The following POLD1 variants were observed in gnomAD, a reference collection of about 807,000 sequenced individuals.
The protein encoded by POLD1 is DNA polymerase delta catalytic subunit.
Under a neutral mutation model 129.7 loss-of-function variants are expected in POLD1, and 79 were observed. The ratio of observed to expected loss-of-function variants is 0.61; its 90% CI spans 0.51 to 0.73. The LOEUF (loss-of-function observed/expected upper bound fraction) is 0.73, where lower values mean the gene tolerates loss of function less well. Ranked by LOEUF, POLD1 falls within the 30% of genes least tolerant of loss-of-function variation. The probability of loss-of-function intolerance (pLI) is 0.00; values close to 1 mark genes in which losing one functional copy is unlikely to be tolerated. For synonymous variants in POLD1, 714 were observed against 683.3 expected, an observed-to-expected ratio of 1.04 and a Z score of -0.70; for missense variants, 1,338 against 1,595.8, an observed-to-expected ratio of 0.84 and a Z score of 2.75.
intron 1 of POLD1, chr19:50,395,014 T>A (rs1422650044): frequency 6.7e-6 from 1 of 148,462 alleles, no homozygotes; most frequent in Non-Finnish European, 1.5e-5. Flanking sequence ...TTTTTTTTTT[T>A]TTTTTTTTAG....
At position 50,404,113 on chromosome 19, in the gene POLD1, A is replaced by G. The variant is rs370657617; in HGVS notation, c.1242+516A>G. Among the ~76,000 whole-genome samples, 90 of 152,268 alleles carry G rather than the reference A, an allele frequency of 5.9e-4. 2 individuals are homozygous for G. The South Asian group carries it at 0.018, about 31-fold the overall frequency. ...CACCGTCCTGAAGGCTGGAAAGTCC[A>G]TGACCAAAGTGTCAGCGGGCCTGCT... On this transcript the variant is annotated intron_variant, in intron 10 of 26. Coordinates refer to ENST00000440232, the MANE Select transcript of POLD1 (RefSeq NM_002691.4).
At chr19:50,385,459 TGGGCA>T (rs1198948232) in intron 1 of POLD1, among the ~76,000 whole-genome samples, 2 of 150,184 alleles carry the variant, frequency 1.3e-5, no homozygotes, top group Non-Finnish European at 3.0e-5. Flanking sequence ...GAGCCAGGAG[TGGGCA>T]GGGCGATGTC....
Position 50,407,725 on chromosome 19 carries a change from A to ATTTTT in POLD1, c.1775+329_1775+333dup, listed in dbSNP as rs571759517. Among the ~76,000 whole-genome samples, 212 of 95,294 alleles carry ATTTTT rather than the reference A, an allele frequency of 2.2e-3. 1 individual carries two copies. Among genetic ancestry groups the ATTTTT allele is most frequent in the African/African-American group, 8.7e-3 (186 of 21,398 alleles). 62.5% of individuals were successfully genotyped at this position (95,294 alleles called of 152,430 possible). Reference sequence around the variant, plus strand: ...AGGCGCCCACCACCACGCCTGGCTAATTTTTTTTTTTTTTTTTTTTTTTGC... The same window carrying ATTTTT: ...AGGCGCCCACCACCACGCCTGGCTAATTTTTTTTTTTTTTTTTTTTTTTTTTTTGC... On this transcript the variant is annotated intron_variant, in intron 14 of 26. Transcript: ENST00000440232.
Position 50,417,671 on chromosome 19 carries a change from T to TCCCCCCC in POLD1, c.3219-167_3219-161dup, listed in dbSNP as rs3840923. Among the ~76,000 whole-genome samples, 1,320 of 110,462 alleles carry TCCCCCCC rather than the reference T, an allele frequency of 0.012. No individual in the cohort carries two copies. Among genetic ancestry groups the TCCCCCCC allele is most frequent in the Non-Finnish European group, 0.016 (890 of 56,968 alleles). The allele number at this position is 110,462 out of a possible 152,430, so 72.5% of individuals were successfully genotyped here. ...TCGCCAGGCACCCGCTGTTATCGGC[T>TCCCCCCC]CCCCCCCCCCACCCCCCCCGTGCCT... On this transcript the variant is annotated intron_variant, in intron 26 of 26. Coordinates refer to ENST00000440232, the MANE Select transcript of POLD1 (RefSeq NM_002691.4).
intron 3 of POLD1, among the ~76,000 whole-genome samples, chr19:50,401,292 T>C (rs1387056583): frequency 6.9e-6 from 1 of 145,610 alleles, no homozygotes; most frequent in Non-Finnish European, 1.5e-5. Context: ...TAACATATAT[T>C]ATATATTAAT....
Position 50,403,303 on chromosome 19 carries a change from G to A in POLD1, c.1137+84G>A, listed in dbSNP as rs56026201. ...TGAGCCATCAGCTCCTGGGTGCTGC[G>A]ACGCCCATGTCTGTGGGTCTGGGTG... On this transcript the variant is annotated intron_variant, in intron 9 of 26. Transcript: ENST00000440232. 2,032 of 1,371,302 alleles carry A rather than the reference G, an allele frequency of 1.5e-3. 35 individuals are homozygous for A. In the African/African-American group the frequency reaches 0.024, roughly 16 times the overall value. The allele number at this position is 1,371,302 out of a possible 1,614,324, so 84.9% of individuals were successfully genotyped here. A position where few individuals can be genotyped will look rare whatever the true frequency, so the allele number is the denominator to read the frequency against.
chr19:50,412,457 G>A (rs943332059), intron 17 of POLD1, among the ~76,000 whole-genome samples: 13 of 148,294 alleles, frequency 8.8e-5, no homozygotes, highest in Non-Finnish European at 1.8e-4. Context: ...TTGGCCTCCT[G>A]TCTCTTAAAA....
chr19:50,387,516 G>A (rs1601160200), intron 1 of POLD1: 1 of 152,302 alleles, frequency 6.6e-6, no homozygotes, highest in Non-Finnish European at 1.5e-5. Flanking sequence ...GGACACACAG[G>A]GGCCTTTCCT....
chr19:50,400,133 A>ATTTTTTTTTTTTTTT (rs71182715), intron 3 of POLD1, among the ~76,000 whole-genome samples: 15 of 48,152 alleles, frequency 3.1e-4, no homozygotes, highest in Non-Finnish European at 6.0e-4. Flanking sequence ...TTTTTAAAAG[A>ATTTTTTTTTTTTTTT]TTTTTTTTTT....
chr19:50,402,579 C>T (rs1374061169), intron 7 of POLD1, 33 bp from the exon 8 acceptor site: 2 of 1,572,018 alleles, frequency 1.3e-6, no homozygotes, highest in Admixed American at 1.9e-5. Context: ...AGCTGGTACC[C>T]TGCTGCCACC....
rs2122504700 is a variant in POLD1, at chr19:50,417,114, G to T, written c.3120+17G>T. On this transcript the variant is annotated intron_variant, in intron 25 of 26. Transcript: ENST00000440232. ...CAGAAGGAGGTGAGAGGGCCGGGAG[G>T]TGAGGAGGGGCCAGGTGGGGAGGCG... 6.4e-7 allele frequency: 1 copy of T among 1,566,602 alleles called. No individual in the cohort carries two copies. The highest frequency in any genetic ancestry group is 8.7e-7 in the Non-Finnish European group (1 of 1,155,072).
intron 3 of POLD1, among the ~76,000 whole-genome samples, chr19:50,401,194 C>T (rs2038586393): frequency 6.7e-6 from 1 of 149,820 alleles, no homozygotes; most frequent in Admixed American, 6.7e-5. Flanking sequence ...GTGGCTGAGG[C>T]ACAAGAATCC....
chr19:50,407,339 G>T lies in POLD1; in HGVS notation c.1699G>T (p.Gly567Trp). Residue 567 changes from glycine to tryptophan, a missense_variant, in exon 14 of 27, where the codon GGG (glycine) becomes TGG (tryptophan). This residue lies in a region of POLD1 where 720 missense variants were observed against 1,002.6 expected (regional missense o/e 0.72). Transcript: ENST00000440232. ...SQLLRQAMHE[G>W]LLMPVVKSEG... ...TCTCCCCTCCCAGGCCATGCACGAG[G>T]GGCTGCTGATGCCCGTGGTGAAGTC... The T allele has an allele frequency of 6.2e-7, 1 of 1,612,896 alleles. No individual in the cohort carries two copies. The highest frequency in any genetic ancestry group is 8.5e-7 in the Non-Finnish European group (1 of 1,179,458).
Position 50,407,493 on chromosome 19 carries a change from G to T in POLD1, c.1775+78G>T, listed in dbSNP as rs887676036. 148 of 895,134 alleles carry T rather than the reference G, an allele frequency of 1.7e-4. 1 individual carries two copies. The Admixed American group carries it at 4.2e-3, about 25-fold the overall frequency. 55.4% of individuals were successfully genotyped at this position (895,134 alleles called of 1,614,324 possible). On this transcript the variant is annotated intron_variant, in intron 14 of 26. Coordinates refer to ENST00000440232, the MANE Select transcript of POLD1 (RefSeq NM_002691.4). ...GTGGGAGGATCACTTGAGCTCAGGA[G>T]TTTGAGACCAGCCAGGGCAACATAG...
At chr19:50,396,889 A>C (rs1048438047) in intron 1 of POLD1, among the ~76,000 whole-genome samples, 12 of 150,582 alleles carry the variant, frequency 8.0e-5, no homozygotes, top group Non-Finnish European at 1.8e-4. Context: ...TGAGGTCAGG[A>C]GTTCAAGACC....
chr19:50,388,978 G>A (rs895453936), intron 1 of POLD1, among the ~76,000 whole-genome samples: 4 of 151,722 alleles, frequency 2.6e-5, no homozygotes, highest in South Asian at 2.1e-4. Flanking sequence ...GACTATAGGC[G>A]CGCACCACCA....
At chr19:50,390,194 C>T (rs930415304) in intron 1 of POLD1, among the ~76,000 whole-genome samples, 1 of 151,796 alleles carries the variant, frequency 6.6e-6, no homozygotes, top group African/African-American at 2.4e-5. Context: ...CAGGTGTGAG[C>T]CACTGCGCCT....
At chr19:50,416,113 C>A in intron 22 of POLD1, 1 of 581,702 alleles carries the variant, frequency 1.7e-6, no homozygotes, top group Non-Finnish European at 3.0e-6. Flanking sequence ...CTACCCCCAC[C>A]CCCAGTGACC....
At chr19:50,415,128 C>T (rs568286993) in intron 20 of POLD1, 138 bp downstream of exon 20, 7 of 816,586 alleles carry the variant, frequency 8.6e-6, no homozygotes, top group Admixed American at 6.5e-5. Flanking sequence ...CCTCAGATCC[C>T]GGGGTCAGGG....
Sources: gnomAD v4.1 joint callset for allele counts (sites outside exome capture counted in the v4.1 genomes callset) on GRCh38, gnomAD v4.1.1 for gene constraint, gnomAD v4.1.1 regional missense constraint, MANE v1.5 for transcripts, NCBI Gene and HGNC (gene_info 2026-07-23, HGNC 2026-07-21) for gene names.